The following SERPINB7 variants were observed in gnomAD, a reference collection of about 807,000 sequenced individuals.
The protein encoded by SERPINB7 is serpin B7.
Under a neutral mutation model 37.4 loss-of-function variants are expected in SERPINB7, and 31 were observed. The observed-to-expected ratio is 0.83, with a 90% confidence interval of 0.62 to 1.12. SERPINB7 has a LOEUF of 1.12. SERPINB7 is among the 50% of genes most tolerant of loss of function. SERPINB7 has a pLI of 0.00. For synonymous variants in SERPINB7, 163 were observed against 166.1 expected (o/e 0.98, Z 0.14); for missense variants, 521 against 455.3 (o/e 1.14, Z -1.31).
intron 2 of SERPINB7, among the ~76,000 whole-genome samples, chr18:63,784,248 G>C (rs1412265236): frequency 6.6e-6 from 1 of 152,106 alleles, no homozygotes; most frequent in African/African-American, 2.4e-5. Flanking sequence ...CTCAACTTTG[G>C]CACTATTGAC....
intron 2 of SERPINB7, among the ~76,000 whole-genome samples, chr18:63,789,382 G>A (rs1484783553): frequency 2.0e-5 from 3 of 152,122 alleles, no homozygotes; most frequent in Non-Finnish European, 4.4e-5. Flanking sequence ...TCTATTTTCT[G>A]ACATAGGATG....
intron 2 of SERPINB7, among the ~76,000 whole-genome samples, chr18:63,789,227 A>G (rs2049402368): frequency 6.6e-6 from 1 of 152,114 alleles, no homozygotes; most frequent in African/African-American, 2.4e-5. Context: ...CTGACCCCTC[A>G]TTTTAGGAAA....
intron 2 of SERPINB7, among the ~76,000 whole-genome samples, chr18:63,782,799 G>A (rs918829599): frequency 1.2e-4 from 18 of 152,166 alleles, no homozygotes; most frequent in African/African-American, 4.3e-4. Flanking sequence ...CTCAAAGTGT[G>A]TTTCCCAGAC....
In SERPINB7 at chr18:63,805,369, T is replaced by C. The variant is rs2049597435; in HGVS notation, c.*734T>C. 6.6e-6 allele frequency: 1 copy of C among 152,172 alleles called. No homozygotes were observed. The highest frequency in any genetic ancestry group is 2.4e-5 in the African/African-American group (1 of 41,448). The allele number at this position is 152,172 out of a possible 1,614,324, so 9.4% of individuals were successfully genotyped here. ...TTTATCAGAATAAAGAAATACAACA[T>C]ACCTGTACAGTGTGATTGTTTTCCT... On this transcript the variant is annotated 3_prime_UTR_variant, in exon 8 of 8. Transcript: ENST00000398019.
At chr18:63,801,802 G>A (rs2049552631) in intron 7 of SERPINB7, among the ~76,000 whole-genome samples, 1 of 152,090 alleles carries the variant, frequency 6.6e-6, no homozygotes, top group Non-Finnish European at 1.5e-5. Flanking sequence ...CATCTCAAAA[G>A]GCCAGTCTTA....
intron 1 of SERPINB7, among the ~76,000 whole-genome samples, chr18:63,763,086 G>T (rs1299433908): frequency 1.3e-5 from 2 of 152,232 alleles, no homozygotes; most frequent in East Asian, 3.9e-4. Flanking sequence ...GTGAATTGGG[G>T]TTAGACTACA....
chr18:63,761,632 G>T (rs534093812), intron 1 of SERPINB7, among the ~76,000 whole-genome samples: 3 of 152,260 alleles, frequency 2.0e-5, no homozygotes, highest in East Asian at 3.9e-4. Flanking sequence ...CCAGGGAGAG[G>T]CAATTGAATC....
chr18:63,779,859 A>G (rs181599073), intron 1 of SERPINB7, among the ~76,000 whole-genome samples: 1 of 151,320 alleles, frequency 6.6e-6, no homozygotes, highest in Non-Finnish European at 1.5e-5. Context: ...CAAAAGTATA[A>G]TTTTTTTTTG....
At chr18:63,780,872 A>G (rs1376599863) in intron 1 of SERPINB7, among the ~76,000 whole-genome samples, 3 of 152,230 alleles carry the variant, frequency 2.0e-5, no homozygotes, top group Admixed American at 6.5e-5. Context: ...TCCCTCAGGG[A>G]CATTCTTTCT....
upstream of SERPINB7, among the ~76,000 whole-genome samples, chr18:63,771,645 A>G (rs2049212081): frequency 6.6e-6 from 1 of 152,098 alleles, no homozygotes; most frequent in African/African-American, 2.4e-5. Context: ...CACGGGTTGG[A>G]AATTTATTAC....
chr18:63,772,547 G>T (rs2049217385), upstream of SERPINB7, among the ~76,000 whole-genome samples: 1 of 152,098 alleles, frequency 6.6e-6, no homozygotes, highest in African/African-American at 2.4e-5. Context: ...TTCAAAACGT[G>T]ATGATAAAAT....
At chr18:63,796,698 A>C (rs1022945847) in intron 5 of SERPINB7, among the ~76,000 whole-genome samples, 1 of 152,220 alleles carries the variant, frequency 6.6e-6, no homozygotes, top group African/African-American at 2.4e-5. Context: ...TTGATAAATT[A>C]ACCTCAATAT....
At chr18:63,758,061 CTG>C (rs1177585185) in intron 1 of SERPINB7, among the ~76,000 whole-genome samples, 1 of 152,186 alleles carries the variant, frequency 6.6e-6, no homozygotes, top group African/African-American at 2.4e-5. Context: ...CTGTATCTCT[CTG>C]TGTCTCTCTC....
chr18:63,770,873 G>GCGCACACACA (rs1555692942), upstream of SERPINB7, among the ~76,000 whole-genome samples: 6 of 148,834 alleles, frequency 4.0e-5, no homozygotes, highest in Non-Finnish European at 7.4e-5. Flanking sequence ...GTCTGCACAT[G>GCGCACACACA]CACACACACA....
At chr18:63,761,908 G>A (rs772055799) in intron 1 of SERPINB7, among the ~76,000 whole-genome samples, 20 of 152,162 alleles carry the variant, frequency 1.3e-4, no homozygotes, top group African/African-American at 2.2e-4. Flanking sequence ...TACACCTGGC[G>A]TGTCCTGCTG....
intron 1 of SERPINB7, among the ~76,000 whole-genome samples, chr18:63,769,971 G>C (rs1015890718): frequency 6.6e-5 from 10 of 150,980 alleles, no homozygotes; most frequent in African/African-American, 2.4e-4. Flanking sequence ...GGTGCACACA[G>C]TGTGAGTGGA....
intron 1 of SERPINB7, among the ~76,000 whole-genome samples, chr18:63,781,988 G>C (rs1163652075): frequency 3.3e-5 from 5 of 152,092 alleles, no homozygotes; most frequent in Non-Finnish European, 7.4e-5. Flanking sequence ...GAAAGCAAAG[G>C]CTGTAGTGCC....
chr18:63,768,542 C>G (rs912544486), intron 1 of SERPINB7, among the ~76,000 whole-genome samples: 1 of 152,068 alleles, frequency 6.6e-6, no homozygotes, highest in African/African-American at 2.4e-5. Flanking sequence ...TGCCTTTTCC[C>G]TTTCAGTGAG....
intron 2 of SERPINB7, among the ~76,000 whole-genome samples, chr18:63,784,131 C>A (rs972427252): frequency 2.0e-5 from 3 of 152,164 alleles, no homozygotes; most frequent in Admixed American, 2.0e-4. Flanking sequence ...CATTGACACA[C>A]TGAAGTGGGA....
Sources: gnomAD v4.1 joint callset for allele counts (sites outside exome capture counted in the v4.1 genomes callset) on GRCh38, gnomAD v4.1.1 for gene constraint, MANE v1.5 for transcripts, NCBI Gene and HGNC (gene_info 2026-07-23, HGNC 2026-07-21) for gene names.